SLC6A9: variants seen among roughly 807,000 people sequenced by gnomAD.
The protein encoded by SLC6A9 is solute carrier family 6 member 9.
In SLC6A9, 31 loss-of-function variants were observed where a neutral mutation model predicts 70.9. The ratio of observed to expected loss-of-function variants is 0.44; its 90% confidence interval spans 0.33 to 0.59. SLC6A9 has a LOEUF of 0.59. Among genes scored for constraint, SLC6A9 ranks in the 20% least tolerant of loss-of-function variants. SLC6A9 has a pLI of 0.04. For missense variants in SLC6A9, 631 were observed against 845.2 expected, an observed-to-expected ratio of 0.75 and a Z score of 3.14; for synonymous variants, 310 against 341.3, an observed-to-expected ratio of 0.91 and a Z score of 1.01.
intron 2 of SLC6A9, among the ~76,000 whole-genome samples, chr1:44,020,523 T>A (rs536101701): frequency 2.0e-5 from 3 of 152,028 alleles, no homozygotes; most frequent in African/African-American, 7.2e-5. Context: ...TCTAAGGGAG[T>A]GTTTAATGTG....
intron 2 of SLC6A9, chr1:44,017,215 C>A: frequency 1.3e-6 from 2 of 1,540,616 alleles, no homozygotes; most frequent in South Asian, 1.2e-5. Context: ...CAATTACTTT[C>A]ACCTCATCTC....
At chr1:44,024,388 G>A (rs199826216) in intron 1 of SLC6A9, 26 bp from the exon 2 acceptor site, 3 of 1,409,922 alleles carry the variant, frequency 2.1e-6, no homozygotes, top group African/African-American at 2.8e-5. Flanking sequence ...AGGGTGAGGT[G>A]AGGACTTGGC....
In SLC6A9 at chr1:44,008,565, G is replaced by T. The variant is rs756341510; in HGVS notation, c.378C>A (p.Val126=). ...STYIGIYYNV[V]ICIAFYYFFS... is the part of the protein sequence containing the mutation. Reference sequence around the variant, plus strand: ...AGAAGTAGTAGAAGGCGATGCAGATGACCACATTGTAGTAGATGCCGATGT... The same window carrying T: ...AGAAGTAGTAGAAGGCGATGCAGATTACCACATTGTAGTAGATGCCGATGT... Residue 126 remains valine (V), a synonymous_variant, in exon 5 of 14, where the codon GTC becomes GTA. Coordinates refer to ENST00000372310, the MANE Select transcript of SLC6A9 (RefSeq NM_001024845.3). The T allele has an allele frequency of 2.5e-6, 4 of 1,614,028 alleles. No individual in the cohort carries two copies. Among genetic ancestry groups the T allele is most frequent in the South Asian group, 2.2e-5 (2 of 91,050 alleles).
In SLC6A9 at chr1:43,997,421, G is replaced by A; in HGVS notation, c.*124C>T. Reference sequence around the variant, plus strand: ...TGACTGCACTAGCAGTGGTGACCAAGGTGACAGCAGCCGTCCTGGCCAGGG... The same window carrying A: ...TGACTGCACTAGCAGTGGTGACCAAAGTGACAGCAGCCGTCCTGGCCAGGG... On this transcript the variant is annotated 3_prime_UTR_variant, in exon 14 of 14. Coordinates refer to ENST00000372310, the MANE Select transcript of SLC6A9 (RefSeq NM_001024845.3). The surrounding 1 kb of genome is among the most constrained non-coding windows in gnomAD (Gnocchi z 4.4). 11 of 800,496 alleles carry A rather than the reference G, an allele frequency of 1.4e-5. No homozygotes were observed. In the South Asian group the frequency reaches 1.7e-4, roughly 12 times the overall value. The allele number at this position is 800,496 out of a possible 1,614,324, so 49.6% of individuals were successfully genotyped here. A position where few individuals can be genotyped will look rare whatever the true frequency, so the allele number is the denominator to read the frequency against.
intron 2 of SLC6A9, among the ~76,000 whole-genome samples, chr1:44,021,409 G>C (rs1042584898): frequency 6.6e-6 from 1 of 152,200 alleles, no homozygotes; most frequent in African/African-American, 2.4e-5. Flanking sequence ...GCCTGGGCAC[G>C]TGCTGGTAAG....
Position 44,007,560 on chromosome 1 carries a change from C to T in SLC6A9, c.590+793G>A, listed in dbSNP as rs961781026. Among the ~76,000 whole-genome samples, 3 of 152,322 alleles carry T rather than the reference C, an allele frequency of 2.0e-5. No homozygotes were observed. The South Asian group carries it at 6.2e-4, about 32-fold the overall frequency. The stretch of plus-strand genomic sequence containing the variant: ...GATCACGGCACCCCCGGCTCAGAGA[C>T]CTTCCATGGCGTCTTTTGTTCTGCA... On this transcript the variant is annotated intron_variant, in intron 5 of 13. Transcript: ENST00000372310.
chr1:44,003,621 G>A (rs1309731743), intron 5 of SLC6A9, among the ~76,000 whole-genome samples: 1 of 152,058 alleles, frequency 6.6e-6, no homozygotes, highest in Non-Finnish European at 1.5e-5. Context: ...GATGGCGGGT[G>A]CCTGTAATCC....
Position 44,018,931 on chromosome 1 carries a change from A to G in SLC6A9, c.30+5317T>C, listed in dbSNP as rs2086829890. 6.6e-6 allele frequency among the ~76,000 whole-genome samples: 1 copy of G among 152,208 alleles called. No individual in the cohort carries two copies. The highest frequency in any genetic ancestry group is 2.1e-4 in the South Asian group (1 of 4,836). ...GGTGACAAAGTGAGACCTTGTTTCA[A>G]AAAATTAATAAAAAATAAATTTTAA... On this transcript the variant is annotated intron_variant, in intron 2 of 13. Transcript: ENST00000372310. This position sits in a 1 kb window ranked among gnomAD's most constrained non-coding sequence, Gnocchi z 4.2.
chr1:44,009,258 C>T (rs1413694203), intron 4 of SLC6A9, among the ~76,000 whole-genome samples: 14 of 145,754 alleles, frequency 9.6e-5, no homozygotes, highest in South Asian at 2.2e-4. Flanking sequence ...CTCCCTCTGT[C>T]GCCCAGGCTG....
At chr1:44,015,870 C>G (rs2086723012) in intron 2 of SLC6A9, 1 of 985,322 alleles carries the variant, frequency 1.0e-6, no homozygotes, top group Non-Finnish European at 1.2e-6. Context: ...AAAATCTCCC[C>G]CGGGCCGAGC....
At chr1:44,003,062 C>T (rs1042700234) in intron 5 of SLC6A9, 77 bp from the exon 6 acceptor site, 38 of 1,537,650 alleles carry the variant, frequency 2.5e-5, no homozygotes, top group African/African-American at 6.8e-5. Flanking sequence ...AGGGCCCACC[C>T]GGGCTGTACC....
chr1:44,026,715 G>C (rs781671250), intron 1 of SLC6A9, among the ~76,000 whole-genome samples: 3 of 151,690 alleles, frequency 2.0e-5, no homozygotes, highest in African/African-American at 7.3e-5. Flanking sequence ...TATTAAGCCC[G>C]CTGGTCAGGT....
intron 2 of SLC6A9, among the ~76,000 whole-genome samples, chr1:44,023,424 C>G (rs2086923851): frequency 6.6e-6 from 1 of 152,086 alleles, no homozygotes; most frequent in Non-Finnish European, 1.5e-5. Flanking sequence ...GTGTGGATCA[C>G]CTAAGGTCAG....
chr1:44,022,383 C>T (rs751775845), intron 2 of SLC6A9, among the ~76,000 whole-genome samples: 3 of 152,164 alleles, frequency 2.0e-5, no homozygotes, highest in Non-Finnish European at 4.4e-5. Flanking sequence ...ATGGCAATTC[C>T]AAGACTTCTC....
At chr1:44,010,320 G>C in intron 3 of SLC6A9, 1 of 544,016 alleles carries the variant, frequency 1.8e-6, no homozygotes. Flanking sequence ...CCAGGTCCCA[G>C]AGCCTCCATA....
Position 44,001,225 on chromosome 1 carries a change from G to T in SLC6A9, c.1274C>A (p.Thr425Asn). Residue 425 changes from threonine to asparagine, a missense_variant, in exon 10 of 14, where the codon ACC becomes AAC. Physicochemically the swap from Thr to Asn is moderately conservative, Grantham distance 65 (BLOSUM62 0). Transcript: ENST00000372310. ...CACAGCCACGCCCAAGGTCACATAG[G>T]TCTTTTTCTGCAGGATCCACTCATT... is the stretch of plus-strand genomic sequence containing the variant. Reference protein sequence around the residue: ...VGNEWILQKKTYVTLGVAVAG... With the variant: ...VGNEWILQKKNYVTLGVAVAG... 6.2e-7 allele frequency: 1 copy of T among 1,614,206 alleles called. No homozygotes were observed. Among genetic ancestry groups the T allele is most frequent in the East Asian group, 2.2e-5 (1 of 44,886 alleles).
chr1:44,029,825 G>A (rs1212702345), intron 1 of SLC6A9, among the ~76,000 whole-genome samples: 1 of 152,156 alleles, frequency 6.6e-6, no homozygotes, highest in Admixed American at 6.5e-5. Context: ...GCTCAGTGTC[G>A]CCCATTAGTC....
At position 44,010,922 on chromosome 1, in the gene SLC6A9, TG is replaced by T. The variant is rs776406640; in HGVS notation, c.31-41del. ...GAGAAGCTACCATCAGCAAGGCATT[TG>T]TGCTCCATGCCTGACCCTCTGGGCC... On this transcript the variant is annotated intron_variant, in intron 2 of 13. Transcript: ENST00000372310. 2.9e-4 allele frequency: 473 copies of T among 1,608,998 alleles called. 2 individuals are homozygous for T. The highest frequency in any genetic ancestry group is 2.6e-3 in the Admixed American group (156 of 59,910).
intron 12 of SLC6A9, among the ~76,000 whole-genome samples, chr1:43,998,288 T>A (rs1404000854): frequency 6.6e-6 from 1 of 152,224 alleles, no homozygotes; most frequent in African/African-American, 2.4e-5. Context: ...GTAGAGCTGC[T>A]GCCGCCTTTG....
Sources: allele counts gnomAD v4.1 joint callset (sites outside exome capture counted in the v4.1 genomes callset), GRCh38; gene constraint gnomAD v4.1.1; non-coding constraint Gnocchi (gnomAD v3.1); transcripts MANE v1.5; gene names NCBI Gene and HGNC (gene_info 2026-07-23, HGNC 2026-07-21).